PAK1: variants seen among roughly 807,000 people sequenced by gnomAD.
PAK1 encodes the protein serine/threonine-protein kinase PAK 1.
In PAK1, 29 loss-of-function variants were observed where a neutral mutation model predicts 67.4. The observed-to-expected ratio is 0.43, with a 90% CI of 0.32 to 0.59. The LOEUF is 0.59. Ranked by LOEUF, PAK1 falls within the 20% of genes least tolerant of loss-of-function variation. The probability of loss-of-function intolerance (pLI) is 0.07; values close to 1 mark genes in which losing one functional copy is unlikely to be tolerated. For synonymous variants in PAK1, 223 were observed against 237.4 expected, an observed-to-expected ratio of 0.94 and a Z score of 0.56; for missense variants, 337 against 670.7, an observed-to-expected ratio of 0.50 and a Z score of 5.50.
At chr11:77,514,880 C>T in the PAK1 span, 1 of 152,248 alleles carries the variant, frequency 6.6e-6, no homozygotes, top group African/African-American at 2.4e-5. Context: ...AGACATTAAG[C>T]AACTCACCAC....
At chr11:77,341,569 CTATTACACGA>C (rs1037704128) in intron 10 of PAK1, among the ~76,000 whole-genome samples, 1 of 152,128 alleles carries the variant, frequency 6.6e-6, no homozygotes, top group African/African-American at 2.4e-5. Flanking sequence ...TCACTCAACC[CTATTACACGA>C]TAAATAAAAA....
the PAK1 span, among the ~76,000 whole-genome samples, chr11:77,503,710 T>A: frequency 2.6e-5 from 4 of 152,170 alleles, 1 homozygote; most frequent in South Asian, 8.3e-4. Context: ...AAAAAAAGTT[T>A]AAAAATTTTC....
chr11:77,379,651 C>T (rs1949562012), intron 3 of PAK1, among the ~76,000 whole-genome samples: 1 of 152,108 alleles, frequency 6.6e-6, no homozygotes, highest in Non-Finnish European at 1.5e-5. Flanking sequence ...GATCAGTGCC[C>T]CACACAGAGC....
chr11:77,345,937 G>C (rs1353665992), intron 9 of PAK1, among the ~76,000 whole-genome samples: 1 of 152,154 alleles, frequency 6.6e-6, no homozygotes, highest in Non-Finnish European at 1.5e-5. Flanking sequence ...GCAGAAAGAG[G>C]CTAACATGGA....
intron 1 of PAK1, among the ~76,000 whole-genome samples, chr11:77,421,463 T>TATTTATGATA (rs1955257517): frequency 6.6e-6 from 1 of 152,238 alleles, no homozygotes; most frequent in Admixed American, 6.5e-5. Flanking sequence ...CTGCTTTATT[T>TATTTATGATA]GTATCCTGGC....
the PAK1 span, among the ~76,000 whole-genome samples, chr11:77,491,543 A>C: frequency 6.6e-6 from 1 of 152,134 alleles, no homozygotes; most frequent in Non-Finnish European, 1.5e-5. Flanking sequence ...AAAAATAGAA[A>C]AGAAAAAAAA....
intron 3 of PAK1, 144 bp from the exon 4 acceptor site, chr11:77,379,532 C>T (rs1293578049): frequency 8.6e-6 from 6 of 696,498 alleles, no homozygotes; most frequent in Non-Finnish European, 1.4e-5. Context: ...AGAGTTTACA[C>T]AAGCCTCTTT....
At chr11:77,483,271 T>C in the PAK1 span, among the ~76,000 whole-genome samples, 1 of 150,448 alleles carries the variant, frequency 6.6e-6, no homozygotes, top group Non-Finnish European at 1.5e-5. Context: ...AACCAGCTGG[T>C]TGAAACAACC....
At chr11:77,494,790 C>G in the PAK1 span, among the ~76,000 whole-genome samples, 3 of 152,074 alleles carry the variant, frequency 2.0e-5, no homozygotes, top group Non-Finnish European at 4.4e-5. Context: ...GAAGCTGATG[C>G]AGGAGGATCT....
At chr11:77,469,702 T>TA (rs5792771) in intron 1 of PAK1, among the ~76,000 whole-genome samples, 2 of 151,784 alleles carry the variant, frequency 1.3e-5, no homozygotes, top group African/African-American at 4.8e-5. Flanking sequence ...TTTTTTTTTT[T>TA]AATAATGGGC....
intron 1 of PAK1, among the ~76,000 whole-genome samples, chr11:77,410,072 G>GCCT (rs1053448510): frequency 5.9e-5 from 9 of 151,790 alleles, no homozygotes; most frequent in Non-Finnish European, 1.2e-4. Context: ...TCTCCTCCAG[G>GCCT]CCTCCTCCTC....
chr11:77,423,311 A>C (rs1300179674), intron 1 of PAK1, among the ~76,000 whole-genome samples: 1 of 149,892 alleles, frequency 6.7e-6, no homozygotes, highest in East Asian at 1.9e-4. Context: ...TAAGGCAGGC[A>C]ATCACTCTTT....
At chr11:77,498,481 G>A in the PAK1 span, among the ~76,000 whole-genome samples, 2 of 146,768 alleles carry the variant, frequency 1.4e-5, no homozygotes, top group South Asian at 2.1e-4. Flanking sequence ...CTCTTTCTCC[G>A]ACACACACAC....
intron 1 of PAK1, among the ~76,000 whole-genome samples, chr11:77,437,596 A>G (rs1279911478): frequency 1.3e-5 from 2 of 152,042 alleles, no homozygotes; most frequent in African/African-American, 4.8e-5. Flanking sequence ...TGTCTTGGGG[A>G]AGAGGTAGCC....
chr11:77,366,021 G>T (rs1385244071), intron 5 of PAK1, among the ~76,000 whole-genome samples: 3 of 152,116 alleles, frequency 2.0e-5, no homozygotes, highest in Non-Finnish European at 2.9e-5. Context: ...CTTCTGATCA[G>T]AAAAAATGGA....
intron 11 of PAK1, among the ~76,000 whole-genome samples, chr11:77,338,826 A>G (rs555104369): frequency 3.3e-5 from 5 of 152,358 alleles, no homozygotes; most frequent in Admixed American, 3.3e-4. Flanking sequence ...CAATTACAAA[A>G]GAGCAAATAT....
chr11:77,469,846 TA>T (rs1957768935), intron 1 of PAK1, among the ~76,000 whole-genome samples: 1 of 152,198 alleles, frequency 6.6e-6, no homozygotes, highest in Non-Finnish European at 1.5e-5. Flanking sequence ...TGATATGTAA[TA>T]ATTGTACATA....
At chr11:77,343,419 A>G (rs75756890) in intron 10 of PAK1, among the ~76,000 whole-genome samples, 3,090 of 152,276 alleles carry the variant, frequency 0.02, 105 homozygotes, top group African/African-American at 0.07. Flanking sequence ...CTCAAATGAA[A>G]CATCTAGTTC....
At chr11:77,456,534 A>C (rs529141288) in intron 1 of PAK1, among the ~76,000 whole-genome samples, 2 of 152,326 alleles carry the variant, frequency 1.3e-5, no homozygotes, top group South Asian at 4.1e-4. Flanking sequence ...TAATTGAAGA[A>C]TTAGGAACAA....
Sources: gnomAD v4.1 joint callset for allele counts (sites outside exome capture counted in the v4.1 genomes callset) on GRCh38, gnomAD v4.1.1 for gene constraint, MANE v1.5 for transcripts, NCBI Gene and HGNC (gene_info 2026-07-23, HGNC 2026-07-21) for gene names.